The following BTAF1 variants were observed in gnomAD, a reference collection of about 807,000 sequenced individuals.
BTAF1 encodes the protein B-TFIID TATA-box binding protein associated factor 1.
In BTAF1, 38 loss-of-function variants were observed where a neutral mutation model predicts 227.1. The observed-to-expected ratio is 0.17, with a 90% CI of 0.13 to 0.22. The LOEUF (loss-of-function observed/expected upper bound fraction) is 0.22. BTAF1 is among the 10% of genes least tolerant of loss of function. The probability of loss-of-function intolerance (pLI) is 1.00; values close to 1 mark genes in which losing one functional copy is unlikely to be tolerated. For missense variants in BTAF1, 1,598 were observed against 2,204.0 expected (o/e 0.73, Z 5.51); for synonymous variants, 742 against 751.9 (o/e 0.99, Z 0.21).
At chr10:91,978,499 A>G (rs1311346310) in intron 14 of BTAF1, among the ~76,000 whole-genome samples, 1 of 139,754 alleles carries the variant, frequency 7.2e-6, no homozygotes, top group Non-Finnish European at 1.7e-5. Context: ...AATTCCCTCC[A>G]GTGAGAAAAT....
intron 34 of BTAF1, 93 bp downstream of exon 34, chr10:92,019,028 T>A: frequency 8.0e-7 from 1 of 1,248,598 alleles, no homozygotes; most frequent in Non-Finnish European, 1.1e-6. Context: ...CTACTGTGTT[T>A]ACCATTTATT....
Position 92,028,827 on chromosome 10 carries a change from G to T in BTAF1, c.5444G>T (p.Gly1815Val), listed in dbSNP as rs1398465757. The T allele has an allele frequency of 6.2e-7, 1 of 1,606,948 alleles. No homozygotes were observed. Among genetic ancestry groups the T allele is most frequent in the African/African-American group, 1.3e-5 (1 of 74,316 alleles). ...GAAAAAGCTGACACCTCTACTTCTG[G>T]GAAAGCAAGTATGAAATCAATTCTT... Reference protein sequence around the residue: ...KAEKADTSTSGKASMKSILEN... With the variant: ...KAEKADTSTSVKASMKSILEN... The change falls in exon 38 of 38, where the codon GGG becomes GTG. Residue 1815 changes from glycine to valine, a missense_variant. Transcript: ENST00000265990.
intron 34 of BTAF1, among the ~76,000 whole-genome samples, chr10:92,023,347 G>A (rs1350195622): frequency 2.0e-5 from 3 of 152,158 alleles, no homozygotes; most frequent in African/African-American, 7.2e-5. Context: ...AGCTTTTGGT[G>A]TTTTGAGTAA....
chr10:92,021,167 G>T (rs1287485829), intron 34 of BTAF1, among the ~76,000 whole-genome samples: 1 of 152,202 alleles, frequency 6.6e-6, no homozygotes, highest in African/African-American at 2.4e-5. Flanking sequence ...CTAAAAATCT[G>T]TTGGTAGAAA....
At chr10:91,969,041 T>A (rs867860996) in intron 14 of BTAF1, among the ~76,000 whole-genome samples, 28 of 135,318 alleles carry the variant, frequency 2.1e-4, no homozygotes, top group Admixed American at 6.0e-4. Flanking sequence ...AAAAAAAAAA[T>A]TTTTTTTTTT....
At chr10:91,949,300 A>G (rs888573444) in intron 4 of BTAF1, among the ~76,000 whole-genome samples, 6 of 152,220 alleles carry the variant, frequency 3.9e-5, no homozygotes, top group Admixed American at 3.9e-4. Flanking sequence ...GTAGCAGAGC[A>G]AGAGCCTGTC....
intron 1 of BTAF1, among the ~76,000 whole-genome samples, chr10:91,930,260 G>A (rs1465772717): frequency 6.6e-6 from 1 of 152,134 alleles, no homozygotes; most frequent in African/African-American, 2.4e-5. Context: ...CATGCAAGAG[G>A]CTATAGGTTG....
At chr10:92,012,063 TTC>T (rs1206216553) in intron 30 of BTAF1, among the ~76,000 whole-genome samples, 1 of 140,294 alleles carries the variant, frequency 7.1e-6, no homozygotes, top group East Asian at 2.2e-4. Flanking sequence ...TACCTACTCT[TTC>T]TCTCTCTCCC....
chr10:91,947,363 C>T (rs1000081792), intron 4 of BTAF1, among the ~76,000 whole-genome samples: 12 of 151,806 alleles, frequency 7.9e-5, no homozygotes, highest in African/African-American at 1.2e-4. Flanking sequence ...GTTATTTTAT[C>T]GATTTTGAGT....
Position 92,018,798 on chromosome 10 carries a change from C to A in BTAF1, c.4726C>A (p.Arg1576Ser). ...CCTCTTGAAGGCATTACAGTACTTA[C>A]GTAAACTGTGCAACCATCCAGCATT... The part of the protein sequence containing the change: ...GHVFQALQYL[R>S]KLCNHPALVL... The change falls in exon 34 of 38, where the codon CGT becomes AGT. Residue 1576 changes from arginine to serine, a missense_variant. By Grantham distance (110) the Arg-to-Ser change is moderately radical (BLOSUM62 -1). Coordinates refer to ENST00000265990, the MANE Select transcript of BTAF1 (RefSeq NM_003972.3). 4 of 1,579,060 alleles carry A rather than the reference C, an allele frequency of 2.5e-6. No individual in the cohort carries two copies. Among genetic ancestry groups the A allele is most frequent in the Non-Finnish European group, 3.4e-6 (4 of 1,167,218 alleles).
intron 16 of BTAF1, 26 bp downstream of exon 16, chr10:91,981,818 T>A: frequency 1.3e-6 from 2 of 1,592,794 alleles, no homozygotes; most frequent in Non-Finnish European, 1.7e-6. Flanking sequence ...CATAGTGTAT[T>A]TGTGTGTTCA....
intron 25 of BTAF1, among the ~76,000 whole-genome samples, chr10:92,007,313 G>C (rs1589951460): frequency 7.0e-6 from 1 of 141,852 alleles, no homozygotes; most frequent in South Asian, 2.3e-4. Context: ...CTACCTCCCA[G>C]GTTCAAGCGA....
chr10:91,942,642 A>T, intron 4 of BTAF1, 74 bp downstream of exon 4: 1 of 1,498,584 alleles, frequency 6.7e-7, no homozygotes, highest in Admixed American at 1.8e-5. Context: ...TATGCTGTTC[A>T]TTAGTCACAC....
At chr10:91,992,356 A>G (rs1290103933) in intron 21 of BTAF1, 47 bp downstream of exon 21, 4 of 1,472,808 alleles carry the variant, frequency 2.7e-6, no homozygotes, top group East Asian at 4.6e-5. Flanking sequence ...TTAAACAAAT[A>G]TCTGACTTAC....
In BTAF1 at chr10:92,008,122, G is replaced by A; in HGVS notation, c.3661-1G>A. The A allele has an allele frequency of 6.4e-7, 1 of 1,567,120 alleles. No homozygotes were observed. The highest frequency in any genetic ancestry group is 8.6e-7 in the Non-Finnish European group (1 of 1,167,616). The stretch of plus-strand genomic sequence containing the variant: ...TAATAACTTTAAAAAAATCATTTTA[G>A]GCAGGCATTCCAGACCCTCCAAACA... On this transcript the variant is annotated splice_acceptor_variant, in intron 25 of 37. Coordinates refer to ENST00000265990, the MANE Select transcript of BTAF1 (RefSeq NM_003972.3). LOFTEE classifies it high-confidence loss of function.
chr10:91,995,549 G>A (rs192802496), intron 23 of BTAF1, among the ~76,000 whole-genome samples: 2 of 152,134 alleles, frequency 1.3e-5, no homozygotes, highest in South Asian at 2.1e-4. Flanking sequence ...GATGGGACAT[G>A]CCTGTAGTCC....
intron 19 of BTAF1, among the ~76,000 whole-genome samples, chr10:91,985,828 TGTG>T (rs1323894032): frequency 1.3e-5 from 2 of 152,200 alleles, no homozygotes; most frequent in Non-Finnish European, 2.9e-5. Context: ...GTTATTGAGT[TGTG>T]GGAGTTCTTT....
At position 92,011,151 on chromosome 10, in the gene BTAF1, G is replaced by T; in HGVS notation, c.4181+1G>T. 3 of 1,574,514 alleles carry T rather than the reference G, an allele frequency of 1.9e-6. No individual in the cohort carries two copies. The highest frequency in any genetic ancestry group is 1.2e-5 in the South Asian group (1 of 82,792). On this transcript the variant is annotated splice_donor_variant, in intron 29 of 37. Coordinates refer to ENST00000265990, the MANE Select transcript of BTAF1 (RefSeq NM_003972.3). LOFTEE classifies it high-confidence loss of function. ...TGAGGAATGACATAGATTTCTTTAGGTAAGAATTAATTTTTTTTTTAGAAA... is the reference window on the plus strand; with the variant it reads ...TGAGGAATGACATAGATTTCTTTAGTTAAGAATTAATTTTTTTTTTAGAAA...
chr10:91,992,014 G>C lies in BTAF1; in HGVS notation c.2855-105G>C, dbSNP rs1382855842. 6 of 872,750 alleles carry C rather than the reference G, an allele frequency of 6.9e-6. No individual in the cohort carries two copies. The Admixed American group carries it at 1.6e-4, about 23-fold the overall frequency. The allele number at this position is 872,750 out of a possible 1,614,324, so 54.1% of individuals were successfully genotyped here. A position where few individuals can be genotyped will look rare whatever the true frequency, so the allele number is the denominator to read the frequency against. ...AATGTCATTGGCCTATAAAAGTTGA[G>C]GCCTAAAAGACATAGTTTAAAAATG... On this transcript the variant is annotated intron_variant, in intron 20 of 37. Transcript: ENST00000265990.
Sources: gnomAD v4.1 joint callset for allele counts (sites outside exome capture counted in the v4.1 genomes callset) on GRCh38, gnomAD v4.1.1 for gene constraint, MANE v1.5 for transcripts, NCBI Gene and HGNC (gene_info 2026-07-23, HGNC 2026-07-21) for gene names.